Variants in NSD1 observed in about 807,000 individuals in gnomAD.
NSD1 encodes the protein nuclear receptor binding SET domain protein 1.
A neutral mutation model predicts 242.7 loss-of-function variants in NSD1; 26 were observed. The ratio of observed to expected loss-of-function variants is 0.11; its 90% confidence interval spans 0.08 to 0.15. The LOEUF is 0.15. NSD1 is among the 10% of genes least tolerant of loss of function. The pLI is 1.00. For synonymous variants in NSD1, 1,106 were observed against 1,178.1 expected (o/e 0.94, Z 1.25); for missense variants, 2,495 against 3,272.8 (o/e 0.76, Z 5.80).
chr5:177,295,705 C>T lies in NSD1; in HGVS notation c.*246C>T. The T allele has an allele frequency of 1.7e-6, 1 of 577,478 alleles. No individual in the cohort carries two copies. The highest frequency in any genetic ancestry group is 3.1e-6 in the Non-Finnish European group (1 of 324,092). 35.8% of individuals were successfully genotyped at this position (577,478 alleles called of 1,614,324 possible). On this transcript the variant is annotated 3_prime_UTR_variant, in exon 23 of 23. Coordinates refer to ENST00000439151, the MANE Select transcript of NSD1 (RefSeq NM_022455.5). This position sits in a 1 kb window ranked among gnomAD's most constrained non-coding sequence, Gnocchi z 4.3. Reference sequence around the variant, plus strand: ...CAAGGAGACAGACAGACTTGGGTCTCTTTCCCCCAACTTTTCCACATGGTC... The same window carrying T: ...CAAGGAGACAGACAGACTTGGGTCTTTTTCCCCCAACTTTTCCACATGGTC...
chr5:177,220,563 C>CTTTTTTTTTT (rs869220346), intron 5 of NSD1, among the ~76,000 whole-genome samples: 6 of 84,356 alleles, frequency 7.1e-5, no homozygotes, highest in Non-Finnish European at 1.1e-4. Context: ...ATAGTAATTG[C>CTTTTTTTTTT]TTTTTTTTTT....
intron 2 of NSD1, among the ~76,000 whole-genome samples, chr5:177,153,424 A>G (rs1757887334): frequency 6.6e-6 from 1 of 152,044 alleles, no homozygotes; most frequent in Non-Finnish European, 1.5e-5. Flanking sequence ...TGCTACTACA[A>G]GATTGCTTTA....
chr5:177,173,582 T>C (rs548372192), intron 2 of NSD1, among the ~76,000 whole-genome samples: 8 of 146,872 alleles, frequency 5.4e-5, no homozygotes, highest in African/African-American at 1.8e-4. Context: ...CAAGCAATTC[T>C]CCTGCCTCAG....
chr5:177,235,358 T>TTA (rs928730041), intron 5 of NSD1, among the ~76,000 whole-genome samples: 1 of 152,086 alleles, frequency 6.6e-6, no homozygotes, highest in Non-Finnish European at 1.5e-5. Context: ...AGATAACTTA[T>TTA]TATATATATA....
chr5:177,156,440 A>C (rs907848498), intron 2 of NSD1, among the ~76,000 whole-genome samples: 1 of 152,060 alleles, frequency 6.6e-6, no homozygotes, highest in Non-Finnish European at 1.5e-5. Flanking sequence ...CAGCCTCCCA[A>C]AGTGTTGGAA....
chr5:177,159,200 G>A (rs1239083287), intron 2 of NSD1, among the ~76,000 whole-genome samples: 1 of 150,726 alleles, frequency 6.6e-6, no homozygotes, highest in Non-Finnish European at 1.5e-5. Flanking sequence ...TCGCCACCAT[G>A]CCCGGATTTT....
intron 8 of NSD1, among the ~76,000 whole-genome samples, chr5:177,242,772 G>A (rs1284281050): frequency 6.6e-6 from 1 of 152,016 alleles, no homozygotes; most frequent in Non-Finnish European, 1.5e-5. Flanking sequence ...CAGGTGATCC[G>A]CCTGCCTCGG....
At chr5:177,287,737 G>T (rs77770966) in intron 20 of NSD1, among the ~76,000 whole-genome samples, 3 of 152,156 alleles carry the variant, frequency 2.0e-5, no homozygotes, top group Non-Finnish European at 2.9e-5. Context: ...TGACCCTCCC[G>T]TTAACATTGG....
chr5:177,284,074 T>C, intron 20 of NSD1, 146 bp downstream of exon 20: 1 of 999,712 alleles, frequency 1.0e-6, no homozygotes, highest in African/African-American at 1.6e-5. Flanking sequence ...TGTGCAACCA[T>C]CACCACCATC....
intron 13 of NSD1, among the ~76,000 whole-genome samples, chr5:177,259,175 C>CA (rs1251682046): frequency 2.0e-5 from 3 of 152,126 alleles, no homozygotes. Context: ...TCATGTGTGC[C>CA]AAAAGAACCT....
intron 2 of NSD1, among the ~76,000 whole-genome samples, chr5:177,146,205 GTT>G (rs34454786): frequency 3.0e-4 from 35 of 114,978 alleles, no homozygotes; most frequent in African/African-American, 9.1e-4. Context: ...TTCACCAATC[GTT>G]TTTTTTTTTT....
At chr5:177,249,566 A>C (rs550131563) in intron 11 of NSD1, among the ~76,000 whole-genome samples, 28 of 152,114 alleles carry the variant, frequency 1.8e-4, no homozygotes, top group South Asian at 2.1e-4. Flanking sequence ...TCCTGGGTTC[A>C]CGCCATTCTC....
At chr5:177,206,641 A>G (rs528704304) in intron 4 of NSD1, among the ~76,000 whole-genome samples, 45 of 152,310 alleles carry the variant, frequency 3.0e-4, no homozygotes, top group African/African-American at 1.1e-3. Flanking sequence ...TGCTTTAGAA[A>G]CAATTAGTAT....
At chr5:177,207,850 C>G (rs529626106) in intron 4 of NSD1, among the ~76,000 whole-genome samples, 5 of 151,982 alleles carry the variant, frequency 3.3e-5, no homozygotes, top group Admixed American at 3.3e-4. Flanking sequence ...ACAAATGATC[C>G]TCCTACCTCA....
Position 177,210,194 on chromosome 5 carries a change from A to T in NSD1, c.1795A>T (p.Ile599Phe). 1 of 1,599,700 alleles carries T rather than the reference A, an allele frequency of 6.3e-7. No individual in the cohort carries two copies. Among genetic ancestry groups the T allele is most frequent in the Non-Finnish European group, 8.5e-7 (1 of 1,173,872 alleles). The change falls in exon 5 of 23, where the codon ATC becomes TTC. Residue 599 changes from isoleucine (I) to phenylalanine (F), a missense_variant. This residue lies in a region of NSD1 where 515 missense variants were observed against 467.0 expected (regional missense o/e 1.10). Coordinates refer to ENST00000439151, the MANE Select transcript of NSD1 (RefSeq NM_022455.5). ...ATTGGGCTTGCCTGAGGGTGCTTTG[A>T]TCTCAAAGTGTTCTCGAGAGAAGAA... is the stretch of plus-strand genomic sequence containing the variant. Reference protein sequence around the residue: ...SLLGLPEGALISKCSREKNKP... With the variant: ...SLLGLPEGALFSKCSREKNKP...
chr5:177,269,654 A>G lies in NSD1; in HGVS notation c.5356A>G (p.Lys1786Glu), dbSNP rs1757798161. Residue 1786 changes from lysine (K) to glutamate (E), a missense_variant, in exon 16 of 23, where the codon AAG becomes GAG. Physicochemically the swap from Lys to Glu is moderately conservative, Grantham distance 56. Coordinates refer to ENST00000439151, the MANE Select transcript of NSD1 (RefSeq NM_022455.5). This position sits in a 1 kb window ranked among gnomAD's most constrained non-coding sequence, Gnocchi z 5.1. ...HPRAVPSNID[K>E]MRHDVGEFPV... Reference sequence around the variant, plus strand: ...TCGAGCTGTTCCTTCCAACATTGATAAGATGAGACATGATGTGGGAGAGTT... The same window carrying G: ...TCGAGCTGTTCCTTCCAACATTGATGAGATGAGACATGATGTGGGAGAGTT... The G allele has an allele frequency of 6.2e-7, 1 of 1,614,154 alleles. No individual in the cohort carries two copies. Among genetic ancestry groups the G allele is most frequent in the Non-Finnish European group, 8.5e-7 (1 of 1,180,032 alleles).
Position 177,211,201 on chromosome 5 carries a change from C to T in NSD1, c.2802C>T (p.Val934=). 1 of 1,613,714 alleles carries T rather than the reference C, an allele frequency of 6.2e-7. No homozygotes were observed. The highest frequency in any genetic ancestry group is 8.5e-7 in the Non-Finnish European group (1 of 1,179,798). The change falls in exon 5 of 23, where the codon GTC becomes GTT. Residue 934 remains valine (V), a synonymous_variant. Transcript: ENST00000439151. Reference sequence around the variant, plus strand: ...GGTTGATGACTGCTCAAAACCTGGTCTCTTACCGGAGTCCTGGTCGTGGGG... The same window carrying T: ...GGTTGATGACTGCTCAAAACCTGGTTTCTTACCGGAGTCCTGGTCGTGGGG... ...EQRLMTAQNL[V]SYRSPGRGDC...
At chr5:177,198,987 AT>A (rs1407252524) in intron 3 of NSD1, among the ~76,000 whole-genome samples, 1 of 152,232 alleles carries the variant, frequency 6.6e-6, no homozygotes, top group African/African-American at 2.4e-5. Flanking sequence ...TATTCTAGAC[AT>A]TTCATATGTA....
At position 177,282,447 on chromosome 5, in the gene NSD1, A is replaced by G; in HGVS notation, c.5893-18A>G. ...TGTCCTTTTTTGCCATTAAGTCAGG[A>G]GGTATTTCTTGTTCTAGGGTGAATT... On this transcript the variant is annotated intron_variant, in intron 18 of 22. Coordinates refer to ENST00000439151, the MANE Select transcript of NSD1 (RefSeq NM_022455.5). 6.6e-7 allele frequency: 1 copy of G among 1,526,148 alleles called. No individual in the cohort carries two copies. Among genetic ancestry groups the G allele is most frequent in the Non-Finnish European group, 9.1e-7 (1 of 1,100,978 alleles). The allele number at this position is 1,526,148 out of a possible 1,614,324, so 94.5% of individuals were successfully genotyped here. A position where few individuals can be genotyped will look rare whatever the true frequency, so the allele number is the denominator to read the frequency against.
Sources: allele counts gnomAD v4.1 joint callset (sites outside exome capture counted in the v4.1 genomes callset), GRCh38; gene constraint gnomAD v4.1.1; regional missense constraint gnomAD v4.1.1; non-coding constraint Gnocchi (gnomAD v3.1); transcripts MANE v1.5; gene names NCBI Gene and HGNC (gene_info 2026-07-23, HGNC 2026-07-21).